ADGRB3: variants seen among roughly 807,000 people sequenced by gnomAD.
The protein encoded by ADGRB3 is adhesion G protein-coupled receptor B3.
A neutral mutation model predicts 193.4 loss-of-function variants in ADGRB3; 37 were observed. The observed-to-expected ratio is 0.19, with a 90% CI of 0.15 to 0.25. ADGRB3 has a LOEUF of 0.25. Among genes scored for constraint, ADGRB3 ranks in the 10% least tolerant of loss-of-function variants. The pLI is 1.00. For synonymous variants in ADGRB3, 690 were observed against 644.2 expected (o/e 1.07, Z -1.08); for missense variants, 1,637 against 1,852.9 (o/e 0.88, Z 2.14).
At chr6:69,102,771 A>G (rs973513052) in intron 17 of ADGRB3, among the ~76,000 whole-genome samples, 10 of 152,240 alleles carry the variant, frequency 6.6e-5, no homozygotes, top group African/African-American at 2.4e-4. Context: ...TAATGAGTCC[A>G]GATACAACTG....
chr6:69,006,913 G>A (rs544170660), intron 11 of ADGRB3, among the ~76,000 whole-genome samples: 3 of 152,000 alleles, frequency 2.0e-5, no homozygotes, highest in African/African-American at 7.2e-5. Flanking sequence ...CTCAGCTCTA[G>A]TCATGATAAT....
chr6:69,362,047 T>G (rs1769466383), intron 29 of ADGRB3, among the ~76,000 whole-genome samples: 1 of 151,970 alleles, frequency 6.6e-6, no homozygotes, highest in Non-Finnish European at 1.5e-5. Context: ...ATCAATATTA[T>G]TCAGAGTAAA....
chr6:68,863,931 G>A (rs1765223726), intron 3 of ADGRB3, among the ~76,000 whole-genome samples: 1 of 151,964 alleles, frequency 6.6e-6, no homozygotes, highest in Non-Finnish European at 1.5e-5. Flanking sequence ...CTAAATTATT[G>A]CATTTATTCT....
At chr6:69,276,647 A>G (rs1431488025) in intron 20 of ADGRB3, among the ~76,000 whole-genome samples, 1 of 152,102 alleles carries the variant, frequency 6.6e-6, no homozygotes, top group Non-Finnish European at 1.5e-5. Context: ...ATCAGCCACC[A>G]GTGGATGATC....
At chr6:68,834,624 A>G (rs994504925) in intron 3 of ADGRB3, among the ~76,000 whole-genome samples, 7 of 152,172 alleles carry the variant, frequency 4.6e-5, no homozygotes, top group Non-Finnish European at 1.0e-4. Flanking sequence ...TAAATTCTTT[A>G]GGAGAAAATT....
chr6:68,642,415 A>G (rs772053025), intron 3 of ADGRB3, among the ~76,000 whole-genome samples: 33 of 152,150 alleles, frequency 2.2e-4, no homozygotes, highest in Non-Finnish European at 3.8e-4. Flanking sequence ...ACTTTGAGAT[A>G]GGATTTATGC....
chr6:69,272,942 C>T (rs542389734), intron 20 of ADGRB3, among the ~76,000 whole-genome samples: 1 of 152,002 alleles, frequency 6.6e-6, no homozygotes, highest in East Asian at 1.9e-4. Flanking sequence ...CTCTTTTTGC[C>T]CAGGCTGTAG....
chr6:69,031,105 TC>T (rs1389429155), intron 13 of ADGRB3, among the ~76,000 whole-genome samples: 1 of 78,534 alleles, frequency 1.3e-5, no homozygotes, highest in Non-Finnish European at 2.9e-5. Flanking sequence ...TCTTCTCTTC[TC>T]TTCTCTTCTC....
intron 10 of ADGRB3, among the ~76,000 whole-genome samples, chr6:68,991,677 C>A (rs771990394): frequency 1.3e-5 from 2 of 151,774 alleles, no homozygotes; most frequent in Non-Finnish European, 2.9e-5. Flanking sequence ...TGGCGGGGAA[C>A]GGGGAAGAAC....
At chr6:69,014,014 T>C in intron 11 of ADGRB3, 24 bp from the exon 12 acceptor site, 2 of 1,455,716 alleles carry the variant, frequency 1.4e-6, no homozygotes, top group Non-Finnish European at 1.9e-6. Context: ...TAATATTAAA[T>C]CTTTTATCTA....
chr6:69,365,401 T>C (rs1013389336), intron 29 of ADGRB3, among the ~76,000 whole-genome samples: 1 of 152,094 alleles, frequency 6.6e-6, no homozygotes, highest in Non-Finnish European at 1.5e-5. Flanking sequence ...CCTCTCTTTG[T>C]ATCTGTCCAG....
At chr6:68,943,287 A>T (rs917277047) in intron 5 of ADGRB3, among the ~76,000 whole-genome samples, 13 of 152,132 alleles carry the variant, frequency 8.5e-5, no homozygotes, top group African/African-American at 3.1e-4. Context: ...CACATTTTTA[A>T]ATGGCAAAAA....
chr6:69,283,761 G>A (rs1295779431), intron 20 of ADGRB3, among the ~76,000 whole-genome samples: 1 of 152,088 alleles, frequency 6.6e-6, no homozygotes, highest in Non-Finnish European at 1.5e-5. Flanking sequence ...CATTTGATAT[G>A]CAATCAAATA....
intron 16 of ADGRB3, among the ~76,000 whole-genome samples, chr6:69,063,796 T>A (rs1177370409): frequency 6.6e-6 from 1 of 152,038 alleles, no homozygotes; most frequent in African/African-American, 2.4e-5. Context: ...CAATGTCTAC[T>A]TATTATTTAA....
intron 3 of ADGRB3, among the ~76,000 whole-genome samples, chr6:68,856,091 T>A (rs1764979504): frequency 6.6e-6 from 1 of 152,188 alleles, no homozygotes; most frequent in South Asian, 2.1e-4. Flanking sequence ...CCACATAAGT[T>A]GAGACTTGCT....
At chr6:69,264,552 G>C (rs1296998314) in intron 20 of ADGRB3, among the ~76,000 whole-genome samples, 1 of 149,854 alleles carries the variant, frequency 6.7e-6, no homozygotes, top group Non-Finnish European at 1.5e-5. Context: ...AATAACTTGA[G>C]TATTTGACTA....
chr6:68,770,912 A>G (rs750774995), intron 3 of ADGRB3, among the ~76,000 whole-genome samples: 2 of 152,090 alleles, frequency 1.3e-5, no homozygotes, highest in Non-Finnish European at 2.9e-5. Context: ...GAAAATATTT[A>G]TGAGTTCCTT....
chr6:68,983,794 A>C (rs1330487415), intron 10 of ADGRB3, among the ~76,000 whole-genome samples: 3 of 152,182 alleles, frequency 2.0e-5, no homozygotes, highest in African/African-American at 7.2e-5. Context: ...GGGTGCCAAC[A>C]TACAGAATAA....
intron 17 of ADGRB3, among the ~76,000 whole-genome samples, chr6:69,149,800 G>C (rs1279991009): frequency 1.3e-5 from 2 of 152,112 alleles, no homozygotes; most frequent in Non-Finnish European, 2.9e-5. Flanking sequence ...TGCGGCTCTT[G>C]CAGACCAACT....
Sources: gnomAD v4.1 joint callset for allele counts (sites outside exome capture counted in the v4.1 genomes callset) on GRCh38, gnomAD v4.1.1 for gene constraint, MANE v1.5 for transcripts, NCBI Gene and HGNC (gene_info 2026-07-23, HGNC 2026-07-21) for gene names.